The following MYO18B variants were observed in gnomAD, a reference collection of about 807,000 sequenced individuals.
The protein encoded by MYO18B is myosin XVIIIB, also known as unconventional myosin-XVIIIb.
Under a neutral mutation model 273.0 loss-of-function variants are expected in MYO18B, and 204 were observed. That is an observed-to-expected ratio of 0.75 (90% confidence interval 0.67 to 0.84). The LOEUF is 0.84. Ranked by LOEUF, MYO18B falls within the 40% of genes least tolerant of loss-of-function variation. The pLI is 0.00. For synonymous variants in MYO18B, 1,330 were observed against 1,305.7 expected (o/e 1.02, Z -0.40); for missense variants, 3,212 against 3,287.6 (o/e 0.98, Z 0.56).
chr22:25,849,316 A>G (rs9613027), intron 20 of MYO18B, among the ~76,000 whole-genome samples: 53,784 of 152,040 alleles, frequency 0.35, 10,232 homozygotes, highest in East Asian at 0.68. Flanking sequence ...TTGATATCTC[A>G]TGGTAGAAAT....
intron 42 of MYO18B, among the ~76,000 whole-genome samples, chr22:26,012,117 A>G (rs1048327254): frequency 7.2e-5 from 11 of 152,224 alleles, no homozygotes; most frequent in Non-Finnish European, 1.5e-4. Context: ...ATTGTCTTTA[A>G]AAAAACAGTT....
chr22:25,815,738 A>G (rs940831222), intron 12 of MYO18B, among the ~76,000 whole-genome samples: 2 of 152,036 alleles, frequency 1.3e-5, no homozygotes, highest in Non-Finnish European at 2.9e-5. Flanking sequence ...TAAATTCCGC[A>G]TACATGTTGG....
intron 42 of MYO18B, among the ~76,000 whole-genome samples, chr22:26,011,566 G>T (rs1934924883): frequency 6.6e-6 from 1 of 152,204 alleles, no homozygotes; most frequent in Non-Finnish European, 1.5e-5. Context: ...GAGAAAGAAT[G>T]GTGGGGAGGA....
intron 39 of MYO18B, among the ~76,000 whole-genome samples, chr22:25,979,621 C>G (rs2146780803): frequency 6.6e-6 from 1 of 152,218 alleles, no homozygotes; most frequent in South Asian, 2.1e-4. Flanking sequence ...GAGGATGCTG[C>G]ATCGGAAGTC....
At position 25,847,088 on chromosome 22, in the gene MYO18B, A is replaced by AG. The variant is rs1178495800; in HGVS notation, c.3553-342_3553-341insG. 3.3e-5 allele frequency among the ~76,000 whole-genome samples: 5 copies of AG among 151,618 alleles called. No homozygotes were observed. The East Asian group carries it at 5.8e-4, about 18-fold the overall frequency. ...AGTGAGACTCTGTCTCAAAAAAAAA[A>AG]AAATAAAGAAAGAAAGAAAAATAAA... On this transcript the variant is annotated intron_variant, in intron 19 of 43. Coordinates refer to ENST00000335473, the MANE Select transcript of MYO18B (RefSeq NM_032608.7).
At chr22:25,869,841 T>C (rs1055736000) in intron 22 of MYO18B, among the ~76,000 whole-genome samples, 12 of 152,156 alleles carry the variant, frequency 7.9e-5, no homozygotes, top group Admixed American at 7.9e-4. Context: ...CCTGCTAAGG[T>C]ATATGGCGGA....
intron 25 of MYO18B, among the ~76,000 whole-genome samples, chr22:25,886,823 A>G (rs1054346459): frequency 6.6e-6 from 1 of 152,136 alleles, no homozygotes; most frequent in East Asian, 1.9e-4. Flanking sequence ...TACCTCTGCT[A>G]CTTACCAGCT....
intron 6 of MYO18B, among the ~76,000 whole-genome samples, chr22:25,771,779 C>T (rs994751628): frequency 8.5e-5 from 13 of 152,202 alleles, no homozygotes; most frequent in South Asian, 2.1e-4. Context: ...AATAATAGGA[C>T]GCCTCTTAGA....
intron 39 of MYO18B, among the ~76,000 whole-genome samples, chr22:25,967,320 GC>G (rs1173159407): frequency 6.6e-6 from 1 of 152,162 alleles, no homozygotes; most frequent in Admixed American, 6.5e-5. Flanking sequence ...TTAATTGTAT[GC>G]CAGGGAGGCT....
intron 16 of MYO18B, 91 bp from the exon 17 acceptor site, chr22:25,835,205 T>A (rs2089852439): frequency 2.1e-6 from 3 of 1,444,568 alleles, no homozygotes; most frequent in Non-Finnish European, 2.8e-6. Context: ...GGGACTTGGA[T>A]GCTCTCATTC....
rs1305042305 is a variant in MYO18B at position 25,798,117 on chromosome 22, C to A, written c.2521+20C>A. 1.3e-6 allele frequency: 2 copies of A among 1,589,466 alleles called. No homozygotes were observed. The highest frequency in any genetic ancestry group is 1.1e-5 in the South Asian group (1 of 88,746). ...GCAAAGGTACGTCCTTCCTGCCGGG[C>A]TCACCTGGGAGGGCAGCTGTCTCCT... On this transcript the variant is annotated intron_variant, in intron 12 of 43. Transcript: ENST00000335473.
At chr22:25,795,733 C>T (rs1044573151) in intron 11 of MYO18B, among the ~76,000 whole-genome samples, 3 of 152,176 alleles carry the variant, frequency 2.0e-5, no homozygotes, top group African/African-American at 7.2e-5. Context: ...ATGGAACATG[C>T]TTTTGCTATT....
rs550430910 is a variant in MYO18B, at chr22:25,764,294, G to A, written c.198+905G>A. 2.0e-5 allele frequency among the ~76,000 whole-genome samples: 3 copies of A among 152,328 alleles called. No homozygotes were observed. The East Asian group carries it at 5.8e-4, about 29-fold the overall frequency. On this transcript the variant is annotated intron_variant, in intron 3 of 43. Transcript: ENST00000335473. ...TGCTATTTCTCTCTTGTCCTCTTTAGCCATGGAACCTGGGCAGGATGACAA... is the reference window on the plus strand; with the variant it reads ...TGCTATTTCTCTCTTGTCCTCTTTAACCATGGAACCTGGGCAGGATGACAA...
chr22:26,049,554 A>C, the MYO18B span, among the ~76,000 whole-genome samples: 1 of 152,188 alleles, frequency 6.6e-6, no homozygotes, highest in Non-Finnish European at 1.5e-5. Context: ...GGTGATGGTT[A>C]TTTTGCAAGC....
At chr22:25,913,702 A>G (rs551546848) in intron 33 of MYO18B, among the ~76,000 whole-genome samples, 26 of 152,308 alleles carry the variant, frequency 1.7e-4, no homozygotes, top group African/African-American at 6.0e-4. Context: ...TTGCCTATTC[A>G]TAGAAGTTTG....
chr22:26,017,962 GTTTTGT>G (rs1268877239), intron 42 of MYO18B, among the ~76,000 whole-genome samples: 9,460 of 116,972 alleles, frequency 0.081, 118 homozygotes, highest in Non-Finnish European at 0.11. Context: ...CAATTTTACT[GTTTTGT>G]TTTTTTTTTT....
chr22:25,824,076 A>T (rs573943731), intron 13 of MYO18B, among the ~76,000 whole-genome samples: 7 of 152,064 alleles, frequency 4.6e-5, no homozygotes, highest in Non-Finnish European at 1.0e-4. Flanking sequence ...ATGGGAGAAG[A>T]TGAGGGTGGA....
chr22:25,906,345 A>T (rs1411912965), intron 31 of MYO18B, among the ~76,000 whole-genome samples: 1 of 151,958 alleles, frequency 6.6e-6, no homozygotes, highest in African/African-American at 2.4e-5. Flanking sequence ...TCTTCCCACA[A>T]CCCCTGTCAT....
chr22:25,890,067 C>G (rs1021304103), intron 25 of MYO18B, among the ~76,000 whole-genome samples: 1 of 152,204 alleles, frequency 6.6e-6, no homozygotes, highest in Non-Finnish European at 1.5e-5. Context: ...AAGCAGCTTA[C>G]CTTTATTAAT....
Sources: gnomAD v4.1 joint callset for allele counts (sites outside exome capture counted in the v4.1 genomes callset) on GRCh38, gnomAD v4.1.1 for gene constraint, MANE v1.5 for transcripts, NCBI Gene and HGNC (gene_info 2026-07-23, HGNC 2026-07-21) for gene names.